Variants in ZNF536 observed in about 807,000 individuals in gnomAD.
ZNF536 encodes the protein zinc finger protein 536.
ZNF536 carries 13 observed loss-of-function variants against 84.5 expected under a neutral mutation model. That is an observed-to-expected ratio of 0.15 (90% CI 0.10 to 0.24). The LOEUF is 0.24. ZNF536 is among the 10% of genes least tolerant of loss of function. The pLI, the probability that ZNF536 is intolerant of heterozygous loss-of-function variation, is 1.00. For missense variants in ZNF536, 1,536 were observed against 1,747.5 expected (o/e 0.88, Z 2.16); for synonymous variants, 811 against 742.5 (o/e 1.09, Z -1.50).
intron 1 of ZNF536, among the ~76,000 whole-genome samples, chr19:30,666,724 T>G (rs997742355): frequency 2.1e-5 from 2 of 95,858 alleles, no homozygotes; most frequent in Non-Finnish European, 4.5e-5. Flanking sequence ...TTTAATTGCT[T>G]TATTTGTTTT....
intron 1 of ZNF536, among the ~76,000 whole-genome samples, chr19:30,605,571 G>A (rs148433854): frequency 1.1e-3 from 163 of 152,062 alleles, no homozygotes; most frequent in Non-Finnish European, 1.5e-3. Flanking sequence ...CTGTATTTTC[G>A]TTATCCACTC....
intron 1 of ZNF536, among the ~76,000 whole-genome samples, chr19:30,277,456 G>A (rs977212418): frequency 1.3e-5 from 2 of 152,128 alleles, no homozygotes; most frequent in Admixed American, 6.5e-5. Flanking sequence ...CATTTAGATC[G>A]AACAGGTATC....
At chr19:30,614,155 A>C (rs540896663) in intron 1 of ZNF536, among the ~76,000 whole-genome samples, 1 of 152,308 alleles carries the variant, frequency 6.6e-6, no homozygotes, top group Admixed American at 6.5e-5. Context: ...GAGCCACTGC[A>C]CGTGGCCCTG....
intron 1 of ZNF536, among the ~76,000 whole-genome samples, chr19:30,263,174 G>T (rs577949477): frequency 6.6e-6 from 1 of 152,184 alleles, no homozygotes; most frequent in African/African-American, 2.4e-5. Context: ...GCAGCACAGC[G>T]CATAGCAAAC....
At chr19:30,539,971 A>G (rs1409998152) in intron 3 of ZNF536, among the ~76,000 whole-genome samples, 2 of 152,250 alleles carry the variant, frequency 1.3e-5, no homozygotes, top group East Asian at 3.8e-4. Context: ...ATGAAAGTTC[A>G]GGGACTAATT....
intron 1 of ZNF536, among the ~76,000 whole-genome samples, chr19:30,663,916 C>A (rs2147617269): frequency 6.6e-6 from 1 of 152,176 alleles, no homozygotes; most frequent in South Asian, 2.1e-4. Flanking sequence ...TGCCATAATC[C>A]CCTCTCTGGA....
intron 1 of ZNF536, among the ~76,000 whole-genome samples, chr19:30,278,533 C>A (rs1352292971): frequency 6.6e-5 from 10 of 152,110 alleles, no homozygotes; most frequent in Admixed American, 2.6e-4. Flanking sequence ...GCCAGCAAGG[C>A]CCCAAGATGT....
At chr19:30,532,985 A>C (rs2044906865) in intron 2 of ZNF536, among the ~76,000 whole-genome samples, 1 of 152,294 alleles carries the variant, frequency 6.6e-6, no homozygotes, top group East Asian at 1.9e-4. Flanking sequence ...TGAGTTCTAG[A>C]TGTGGATGAG....
chr19:30,248,925 A>G (rs2024449672), intron 1 of ZNF536, among the ~76,000 whole-genome samples: 1 of 152,190 alleles, frequency 6.6e-6, no homozygotes, highest in Non-Finnish European at 1.5e-5. Flanking sequence ...CTGTGTGCAG[A>G]TTTCATATCA....
At chr19:30,294,495 G>T (rs2045936639) in intron 2 of ZNF536, among the ~76,000 whole-genome samples, 1 of 151,658 alleles carries the variant, frequency 6.6e-6, no homozygotes, top group African/African-American at 2.4e-5. Context: ...ATGTAAGTAT[G>T]GCATATGTGG....
intron 1 of ZNF536, among the ~76,000 whole-genome samples, chr19:30,263,829 G>C (rs1420537728): frequency 6.6e-6 from 1 of 151,700 alleles, no homozygotes; most frequent in Non-Finnish European, 1.5e-5. Context: ...CATCTCTCTA[G>C]AAAGAAACTC....
intron 1 of ZNF536, among the ~76,000 whole-genome samples, chr19:30,692,493 G>T (rs1356164059): frequency 1.3e-5 from 2 of 152,242 alleles, no homozygotes; most frequent in Non-Finnish European, 2.9e-5. Context: ...GATTGTAGAA[G>T]GCAAGTCATG....
At chr19:30,568,596 G>A (rs548349675) in intron 1 of ZNF536, among the ~76,000 whole-genome samples, 1 of 152,254 alleles carries the variant, frequency 6.6e-6, no homozygotes, top group African/African-American at 2.4e-5. Context: ...AAACTCAGGA[G>A]GATTTCTATG....
intron 1 of ZNF536, among the ~76,000 whole-genome samples, chr19:30,251,979 A>G (rs1287504524): frequency 6.6e-6 from 1 of 152,236 alleles, no homozygotes; most frequent in Admixed American, 6.5e-5. Flanking sequence ...GCTTTTGCAC[A>G]GCAAAAAGGT....
At chr19:30,427,538 T>A (rs1008167482) in intron 1 of ZNF536, among the ~76,000 whole-genome samples, 1 of 151,908 alleles carries the variant, frequency 6.6e-6, no homozygotes, top group African/African-American at 2.4e-5. Context: ...AATGTGAACT[T>A]GTTGGTTGGC....
chr19:30,521,786 G>C (rs2044330240), intron 2 of ZNF536, among the ~76,000 whole-genome samples: 1 of 152,084 alleles, frequency 6.6e-6, no homozygotes, highest in Admixed American at 6.5e-5. Flanking sequence ...ACTTGGGATG[G>C]GACCAGGTGC....
At chr19:30,458,831 A>G (rs1021716390) in intron 2 of ZNF536, among the ~76,000 whole-genome samples, 5 of 151,086 alleles carry the variant, frequency 3.3e-5, no homozygotes, top group African/African-American at 1.2e-4. Context: ...GGCTGGGGAG[A>G]CTCTCTTCTA....
intron 2 of ZNF536, among the ~76,000 whole-genome samples, chr19:30,324,916 C>T (rs893485387): frequency 3.9e-5 from 6 of 152,234 alleles, no homozygotes; most frequent in Admixed American, 3.3e-4. Flanking sequence ...TGGCGAACAA[C>T]AGTCCTGTGT....
intron 2 of ZNF536, among the ~76,000 whole-genome samples, chr19:30,336,718 C>T (rs934898980): frequency 6.6e-5 from 10 of 152,036 alleles, no homozygotes; most frequent in Admixed American, 5.9e-4. Context: ...GAGAACATCT[C>T]GGAGAGGTCA....
Sources: allele counts gnomAD v4.1 joint callset (sites outside exome capture counted in the v4.1 genomes callset), GRCh38; gene constraint gnomAD v4.1.1; transcripts MANE v1.5; gene names NCBI Gene and HGNC (gene_info 2026-07-23, HGNC 2026-07-21).